Variants in SLC13A1 observed in about 807,000 individuals in gnomAD.
SLC13A1 encodes Na(+)/sulfate cotransporter.
In SLC13A1, 65 loss-of-function variants were observed where a neutral mutation model predicts 70.0. That is an observed-to-expected ratio of 0.93 (90% CI 0.76 to 1.14). The LOEUF (loss-of-function observed/expected upper bound fraction) is 1.14. Ranked by LOEUF, SLC13A1 falls within the 50% of genes most tolerant of loss-of-function variation. The pLI is 0.00. For synonymous variants in SLC13A1, 275 were observed against 250.5 expected (o/e 1.10, Z -0.92); for missense variants, 726 against 717.8 (o/e 1.01, Z -0.13).
intron 6 of SLC13A1, chr7:123,148,533 G>A: frequency 2.2e-6 from 1 of 450,164 alleles, no homozygotes; most frequent in South Asian, 1.6e-5. Context: ...TCTCACCCAT[G>A]ACCCTGTAAA....
At chr7:123,198,169 T>C (rs974092556) in intron 1 of SLC13A1, among the ~76,000 whole-genome samples, 1 of 152,014 alleles carries the variant, frequency 6.6e-6, no homozygotes, top group Non-Finnish European at 1.5e-5. Context: ...AAGATCATAA[T>C]GTGTCTTAGA....
At chr7:123,138,785 G>T (rs964377295) in intron 7 of SLC13A1, among the ~76,000 whole-genome samples, 19 of 152,036 alleles carry the variant, frequency 1.2e-4, no homozygotes, top group Admixed American at 1.1e-3. Context: ...ATATAGAGTT[G>T]TTTAAGCTCC....
chr7:123,185,805 T>A (rs904345000), intron 1 of SLC13A1, among the ~76,000 whole-genome samples: 2 of 152,104 alleles, frequency 1.3e-5, no homozygotes, highest in African/African-American at 4.8e-5. Flanking sequence ...GTTTGAGAGC[T>A]CTTTAATGGG....
At chr7:123,190,811 T>C (rs1054786016) in intron 1 of SLC13A1, among the ~76,000 whole-genome samples, 14 of 152,158 alleles carry the variant, frequency 9.2e-5, no homozygotes, top group African/African-American at 2.7e-4. Flanking sequence ...ACATGACACA[T>C]CTATTGAGGA....
At chr7:123,186,923 ATTT>A (rs957313542) in intron 1 of SLC13A1, among the ~76,000 whole-genome samples, 2 of 146,220 alleles carry the variant, frequency 1.4e-5, no homozygotes, top group African/African-American at 5.0e-5. Flanking sequence ...TGACCTTACA[ATTT>A]TTTTTTTTTT....
chr7:123,123,317 T>C (rs899031460), intron 11 of SLC13A1, 82 bp from the exon 12 acceptor site: 16 of 850,954 alleles, frequency 1.9e-5, no homozygotes, highest in Non-Finnish European at 2.6e-5. Context: ...AGTAGCCATC[T>C]TACAGGAAGT....
rs763656426 is a variant in SLC13A1, at chr7:123,129,453, T to C, written c.961A>G (p.Thr321Ala). Residue 321 changes from threonine to alanine, a missense_variant, in exon 9 of 15, where the codon ACC becomes GCC. Thr to Ala is a moderately conservative substitution (Grantham distance 58, BLOSUM62 0). Coordinates refer to ENST00000194130, the MANE Select transcript of SLC13A1 (RefSeq NM_022444.4). ...NFKEMFKCGK[T>A]KTVQQKACAE... ...CAAGCTTTTTGTTGGACTGTTTTGG[T>C]TTTGCCACATTTGAACATCTCCTTA... is the stretch of plus-strand genomic sequence containing the variant. 8 of 1,612,918 alleles carry C rather than the reference T, an allele frequency of 5.0e-6. No individual in the cohort carries two copies. In the East Asian group the frequency reaches 1.6e-4, roughly 31 times the overall value.
chr7:123,151,619 T>C (rs1794558418), intron 6 of SLC13A1, among the ~76,000 whole-genome samples: 1 of 152,028 alleles, frequency 6.6e-6, no homozygotes, highest in South Asian at 2.1e-4. Context: ...CGTCTTACAA[T>C]ACAATGAGGT....
intron 1 of SLC13A1, among the ~76,000 whole-genome samples, chr7:123,185,009 T>C (rs1795754708): frequency 6.6e-6 from 1 of 152,138 alleles, no homozygotes; most frequent in Non-Finnish European, 1.5e-5. Flanking sequence ...TATCTCACTG[T>C]GGCTTTAGTT....
At chr7:123,136,406 T>G (rs1023390405) in intron 7 of SLC13A1, among the ~76,000 whole-genome samples, 1 of 152,178 alleles carries the variant, frequency 6.6e-6, no homozygotes, top group African/African-American at 2.4e-5. Flanking sequence ...GAGTGAATAT[T>G]TTGGACAAAT....
intron 1 of SLC13A1, among the ~76,000 whole-genome samples, chr7:123,194,091 A>T (rs1370013626): frequency 1.3e-5 from 2 of 152,134 alleles, no homozygotes; most frequent in African/African-American, 4.8e-5. Context: ...AAATTTAAAC[A>T]CTATGCTCCA....
chr7:123,140,846 T>G (rs1236953956), intron 7 of SLC13A1, among the ~76,000 whole-genome samples: 2 of 152,118 alleles, frequency 1.3e-5, no homozygotes, highest in African/African-American at 4.8e-5. Context: ...GATTTGCCAA[T>G]TTTGTTTAAC....
intron 6 of SLC13A1, among the ~76,000 whole-genome samples, chr7:123,158,213 A>G (rs1185697428): frequency 6.6e-6 from 1 of 152,078 alleles, no homozygotes; most frequent in Non-Finnish European, 1.5e-5. Context: ...GAGGTGTTGG[A>G]CACAGACACA....
At chr7:123,126,219 A>G (rs1793554615) in intron 10 of SLC13A1, among the ~76,000 whole-genome samples, 1 of 152,202 alleles carries the variant, frequency 6.6e-6, no homozygotes, top group Non-Finnish European at 1.5e-5. Flanking sequence ...AGCTCTAACC[A>G]TATCATACAA....
intron 13 of SLC13A1, among the ~76,000 whole-genome samples, chr7:123,117,846 A>G (rs551532356): frequency 2.1e-4 from 32 of 152,102 alleles, no homozygotes; most frequent in African/African-American, 6.7e-4. Flanking sequence ...TTTAGAAAAT[A>G]AAATATTATT....
Position 123,125,916 on chromosome 7 carries a change from C to A in SLC13A1, c.1134-241G>T, listed in dbSNP as rs537341437. On this transcript the variant is annotated intron_variant, in intron 10 of 14. Transcript: ENST00000194130. ...CATATATCTCTTCTTATTTTCAATA[C>A]CACGTATACACATGCTGACATACTA... 1.1e-4 allele frequency among the ~76,000 whole-genome samples: 17 copies of A among 152,270 alleles called. 1 individual carries two copies. In the South Asian group the frequency reaches 3.5e-3, roughly 32 times the overall value.
intron 6 of SLC13A1, among the ~76,000 whole-genome samples, chr7:123,165,325 T>C (rs10280441): frequency 0.56 from 85,566 of 151,898 alleles, 24,124 homozygotes; most frequent in East Asian, 0.64. Flanking sequence ...GACCATAGAA[T>C]CAACATTCAA....
intron 2 of SLC13A1, among the ~76,000 whole-genome samples, chr7:123,180,234 G>A (rs1205403434): frequency 2.6e-5 from 4 of 152,076 alleles, no homozygotes; most frequent in Admixed American, 2.6e-4. Context: ...GTAATCAAGG[G>A]TTTGTTAAAA....
rs1793091740 is a variant in SLC13A1 at position 123,114,015 on chromosome 7, C to T, written c.*1503G>A. 1 of 129,054 alleles carries T rather than the reference C, an allele frequency of 7.7e-6. No individual in the cohort carries two copies. Among genetic ancestry groups the T allele is most frequent in the Non-Finnish European group, 1.6e-5 (1 of 64,256 alleles). The allele number at this position is 129,054 out of a possible 1,614,324, so 8.0% of individuals were successfully genotyped here. ...AGGAGAATGGCGTGAACCTGGGAGG[C>T]GGAGCTTGCAGTGAGCCGAGATCCC... is the stretch of plus-strand genomic sequence containing the variant. On this transcript the variant is annotated 3_prime_UTR_variant, in exon 15 of 15. Transcript: ENST00000194130.
Sources: gnomAD v4.1 joint callset for allele counts (sites outside exome capture counted in the v4.1 genomes callset) on GRCh38, gnomAD v4.1.1 for gene constraint, MANE v1.5 for transcripts, NCBI Gene and HGNC (gene_info 2026-07-23, HGNC 2026-07-21) for gene names.